Variants in PDE4D observed in about 807,000 individuals in gnomAD.
PDE4D encodes the protein 3',5'-cyclic-AMP phosphodiesterase 4D.
A neutral mutation model predicts 87.4 loss-of-function variants in PDE4D; 24 were observed. The observed-to-expected ratio is 0.27, with a 90% CI of 0.20 to 0.39. PDE4D has a LOEUF of 0.39. PDE4D is among the 10% of genes least tolerant of loss of function. The pLI, the probability that PDE4D is intolerant of heterozygous loss-of-function variation, is 1.00. For missense variants in PDE4D, 714 were observed against 1,041.0 expected (o/e 0.69, Z 4.32); for synonymous variants, 384 against 383.2 (o/e 1.00, Z -0.02).
chr5:60,243,255 C>T (rs1300736456), intron 1 of PDE4D, among the ~76,000 whole-genome samples: 1 of 151,850 alleles, frequency 6.6e-6, no homozygotes, highest in Non-Finnish European at 1.5e-5. Flanking sequence ...ATACAACCTA[C>T]AATGGCTGAA....
chr5:59,600,651 TAGAC>T (rs1167488607), intron 1 of PDE4D, among the ~76,000 whole-genome samples: 2 of 152,174 alleles, frequency 1.3e-5, no homozygotes, highest in Non-Finnish European at 2.9e-5. Context: ...GTAATCCAGT[TAGAC>T]AGCAGAGGAA....
chr5:59,491,565 G>T (rs1309378635), intron 1 of PDE4D, among the ~76,000 whole-genome samples: 1 of 152,128 alleles, frequency 6.6e-6, no homozygotes, highest in South Asian at 2.1e-4. Context: ...TAGTCTCATT[G>T]TGAATAGTAA....
At chr5:60,173,558 TACACACAC>T (rs373576079) in intron 2 of PDE4D, among the ~76,000 whole-genome samples, 1 of 150,260 alleles carries the variant, frequency 6.7e-6, no homozygotes, top group Non-Finnish European at 1.5e-5. Flanking sequence ...TAACAGAAAT[TACACACAC>T]ACACACACAC....
chr5:59,566,533 CATGT>C (rs767428585), intron 1 of PDE4D, among the ~76,000 whole-genome samples: 84 of 102,738 alleles, frequency 8.2e-4, no homozygotes, highest in African/African-American at 2.6e-3. Flanking sequence ...GTCACAGTTT[CATGT>C]GTGTGTGTGT....
At chr5:60,179,270 T>A (rs1784183523) in intron 2 of PDE4D, among the ~76,000 whole-genome samples, 1 of 152,104 alleles carries the variant, frequency 6.6e-6, no homozygotes, top group African/African-American at 2.4e-5. Context: ...GGCCTTGCTG[T>A]CATGGCTTTT....
intron 2 of PDE4D, among the ~76,000 whole-genome samples, chr5:60,007,488 A>G (rs1429075950): frequency 1.3e-5 from 2 of 152,050 alleles, no homozygotes; most frequent in Non-Finnish European, 2.9e-5. Context: ...GGATATTTTC[A>G]TTTAAAAATC....
chr5:60,101,839 A>C (rs1776249386), intron 2 of PDE4D, among the ~76,000 whole-genome samples: 1 of 152,172 alleles, frequency 6.6e-6, no homozygotes, highest in African/African-American at 2.4e-5. Flanking sequence ...CCAAACACAC[A>C]GCAGTTTAAT....
intron 1 of PDE4D, among the ~76,000 whole-genome samples, chr5:60,190,270 C>G (rs1360482556): frequency 1.3e-5 from 2 of 152,142 alleles, no homozygotes; most frequent in African/African-American, 4.8e-5. Context: ...GCCTTGGGCT[C>G]TTAAATGTCC....
chr5:59,428,834 AATTT>A (rs1274352384), intron 1 of PDE4D, among the ~76,000 whole-genome samples: 1 of 152,152 alleles, frequency 6.6e-6, no homozygotes, highest in Non-Finnish European at 1.5e-5. Context: ...TTTTATATAA[AATTT>A]ATTTAATTGA....
upstream of PDE4D, chr5:60,490,388 C>A (rs972782566): frequency 7.9e-5 from 12 of 152,216 alleles, no homozygotes; most frequent in African/African-American, 2.9e-4. Context: ...TTATTATCCA[C>A]CCTGAGCCAC....
chr5:59,634,664 A>G (rs1262679946), intron 1 of PDE4D, among the ~76,000 whole-genome samples: 1 of 152,228 alleles, frequency 6.6e-6, no homozygotes, highest in African/African-American at 2.4e-5. Context: ...CAAAGGCAGA[A>G]ATAAATAAGT....
At chr5:59,862,039 C>T (rs1006506938) in intron 1 of PDE4D, among the ~76,000 whole-genome samples, 2 of 152,150 alleles carry the variant, frequency 1.3e-5, no homozygotes. Context: ...CTATTGGCCT[C>T]TCTTCTCACT....
At chr5:59,315,857 G>A (rs1773610713) in intron 1 of PDE4D, among the ~76,000 whole-genome samples, 2 of 151,544 alleles carry the variant, frequency 1.3e-5, no homozygotes, top group Admixed American at 6.6e-5. Context: ...CACTGAGCAC[G>A]CGGCGATTAG....
chr5:59,381,570 A>G (rs1023313932), intron 1 of PDE4D, among the ~76,000 whole-genome samples: 2 of 152,144 alleles, frequency 1.3e-5, no homozygotes, highest in Admixed American at 6.6e-5. Flanking sequence ...ATCTCACACA[A>G]TCACCTCTTT....
chr5:60,172,151 C>G (rs1031205439), intron 2 of PDE4D, among the ~76,000 whole-genome samples: 37 of 147,040 alleles, frequency 2.5e-4, no homozygotes, highest in Non-Finnish European at 5.2e-4. Flanking sequence ...TATATACACA[C>G]ACATGTTGGC....
chr5:59,393,843 CA>C (rs5868183), intron 1 of PDE4D, among the ~76,000 whole-genome samples: 63,757 of 151,936 alleles, frequency 0.42, 13,658 homozygotes, highest in East Asian at 0.49. Context: ...TCCTCTAAAA[CA>C]TGAATAAAAC....
At chr5:59,976,797 T>C (rs1297566576) in intron 3 of PDE4D, among the ~76,000 whole-genome samples, 1 of 152,194 alleles carries the variant, frequency 6.6e-6, no homozygotes, top group Non-Finnish European at 1.5e-5. Context: ...TTCTATGTCA[T>C]ATTTTGGTAT....
At chr5:59,593,752 T>C (rs1371082955) in intron 1 of PDE4D, among the ~76,000 whole-genome samples, 1 of 151,938 alleles carries the variant, frequency 6.6e-6, no homozygotes, top group Non-Finnish European at 1.5e-5. Context: ...AATTGACAAA[T>C]CGTTAGAGGC....
chr5:60,389,458 C>G (rs191910157), intron 1 of PDE4D, among the ~76,000 whole-genome samples: 1 of 152,292 alleles, frequency 6.6e-6, no homozygotes, highest in East Asian at 1.9e-4. Flanking sequence ...CCTGGTATTT[C>G]TCTTTCCTAG....
Sources: gnomAD v4.1 joint callset for allele counts (sites outside exome capture counted in the v4.1 genomes callset) on GRCh38, gnomAD v4.1.1 for gene constraint, MANE v1.5 for transcripts, NCBI Gene and HGNC (gene_info 2026-07-23, HGNC 2026-07-21) for gene names.